Variants in NLRP2 observed in about 807,000 individuals in gnomAD.
NLRP2 encodes NLR family pyrin domain containing 2, also known as NACHT, LRR and PYD domains-containing protein 2.
A neutral mutation model predicts 97.2 loss-of-function variants in NLRP2; 107 were observed. That is an observed-to-expected ratio of 1.10 (90% CI 0.94 to 1.29). The LOEUF (loss-of-function observed/expected upper bound fraction) is 1.29. Among genes scored for constraint, NLRP2 ranks in the 50% most tolerant of loss-of-function variants. The probability of loss-of-function intolerance (pLI) is 0.00; values close to 1 mark genes in which losing one functional copy is unlikely to be tolerated. For missense variants in NLRP2, 1,495 were observed against 1,330.3 expected, an observed-to-expected ratio of 1.12 and a Z score of -1.93; for synonymous variants, 663 against 551.5, an observed-to-expected ratio of 1.20 and a Z score of -2.83.
intron 2 of NLRP2, among the ~76,000 whole-genome samples, chr19:54,971,828 T>C (rs1015117978): frequency 9.3e-5 from 14 of 151,242 alleles, no homozygotes; most frequent in Admixed American, 4.6e-4. Flanking sequence ...ACATGAACTA[T>C]GGTTATTTAA....
Position 54,973,488 on chromosome 19 carries a change from G to A in NLRP2, c.281-1012G>A, listed in dbSNP as rs150137434. Among the ~76,000 whole-genome samples the A allele has an allele frequency of 8.8e-3, 1,340 of 151,580 alleles. 17 individuals are homozygous for A. Among genetic ancestry groups the A allele is most frequent in the African/African-American group, 0.031 (1,281 of 41,344 alleles). On this transcript the variant is annotated intron_variant, in intron 2 of 12. Transcript: ENST00000448584. ...CCTCCCAGGTTTAAGTGATTCTCCTGCCTCAGCCTCCAGAGTAGCTGGGAT... is the reference window on the plus strand; with the variant it reads ...CCTCCCAGGTTTAAGTGATTCTCCTACCTCAGCCTCCAGAGTAGCTGGGAT...
intron 6 of NLRP2, 130 bp from the exon 7 acceptor site, chr19:54,984,917 C>T (rs1045278794): frequency 3.5e-6 from 3 of 849,246 alleles, no homozygotes; most frequent in African/African-American, 3.3e-5. Context: ...GATGGTGGTG[C>T]TAATAAGTGA....
At chr19:54,973,351 T>TTTG (rs1568470331) in intron 2 of NLRP2, among the ~76,000 whole-genome samples, 2 of 144,124 alleles carry the variant, frequency 1.4e-5, no homozygotes, top group African/African-American at 2.6e-5. Flanking sequence ...AGGGTTTTTT[T>TTTG]TTTTTTTTTT....
At chr19:54,990,306 C>A (rs750164971) in intron 9 of NLRP2, 114 bp downstream of exon 9, 3 of 1,225,440 alleles carry the variant, frequency 2.4e-6, no homozygotes, top group Non-Finnish European at 3.6e-6. Flanking sequence ...AACACCTGTT[C>A]CCATGTTTAG....
chr19:54,976,553 G>T (rs1403229753), intron 3 of NLRP2, among the ~76,000 whole-genome samples: 3 of 151,992 alleles, frequency 2.0e-5, no homozygotes, highest in Non-Finnish European at 4.4e-5. Context: ...CACCATGTTG[G>T]CCAGGCTGGT....
Position 54,990,720 on chromosome 19 carries a change from C to T in NLRP2, c.2708+48C>T, listed in dbSNP as rs886115663. 2.5e-6 allele frequency: 4 copies of T among 1,586,972 alleles called. No individual in the cohort carries two copies. In the African/African-American group the frequency reaches 4.0e-5, roughly 16 times the overall value. On this transcript the variant is annotated intron_variant, in intron 10 of 12. Transcript: ENST00000448584. ...TGTGCGTGGGTGTATATGCACACGC[C>T]CCCCACCTCCGGGTTTGAGTAGGGT...
rs771729521 is a variant in NLRP2, at chr19:54,990,100, C to T, written c.2445C>T (p.Cys815=). The change falls in exon 9 of 13, where the codon TGC becomes TGT. Residue 815 remains cysteine, a synonymous_variant. Transcript: ENST00000448584. ...TTGAAGTCAACCAGTCCCTGACGTG[C>T]GTAAACCTCTCCGACAATGAGCTTC... ...LALEVNQSLT[C]VNLSDNELLD... 17 of 1,614,008 alleles carry T rather than the reference C, an allele frequency of 1.1e-5. No homozygotes were observed. The highest frequency in any genetic ancestry group is 2.7e-5 in the African/African-American group (2 of 74,900).
Position 54,982,443 on chromosome 19 carries a change from G to C in NLRP2, c.745G>C (p.Glu249Gln), listed in dbSNP as rs1411464041. ...ATATGCGTTCTACCTCAGCTGCAGG[G>C]AGCTCAGCCGCCTGGGCCCGTGCAG... Reference protein sequence around the residue: ...FKYAFYLSCRELSRLGPCSFA... With the variant: ...FKYAFYLSCRQLSRLGPCSFA... The change falls in exon 6 of 13, where the codon GAG becomes CAG. Residue 249 changes from glutamate (E) to glutamine (Q), a missense_variant. Coordinates refer to ENST00000448584, the MANE Select transcript of NLRP2 (RefSeq NM_017852.5). 6.2e-7 allele frequency: 1 copy of C among 1,614,164 alleles called. No homozygotes were observed. The highest frequency in any genetic ancestry group is 1.1e-5 in the South Asian group (1 of 91,076).
intron 12 of NLRP2, 57 bp from the exon 13 acceptor site, chr19:55,000,703 T>A: frequency 6.3e-7 from 1 of 1,593,458 alleles, no homozygotes; most frequent in East Asian, 2.2e-5. Flanking sequence ...ACTTGGGAAT[T>A]TGAAACAAAT....
At chr19:54,982,031 A>G in intron 5 of NLRP2, 131 bp from the exon 6 acceptor site, 1 of 1,134,360 alleles carries the variant, frequency 8.8e-7, no homozygotes, top group African/African-American at 1.5e-5. Flanking sequence ...GCCTGCCTCG[A>G]CCTCCCAAAG....
At chr19:54,997,286 C>T (rs1355890093) in intron 11 of NLRP2, 31 bp from the exon 12 acceptor site, 3 of 1,609,906 alleles carry the variant, frequency 1.9e-6, no homozygotes, top group Non-Finnish European at 2.5e-6. Context: ...GCACTGGCTG[C>T]ATTAACGTGT....
chr19:54,967,941 C>G (rs2070578580), intron 1 of NLRP2, among the ~76,000 whole-genome samples: 1 of 100,174 alleles, frequency 1.0e-5, no homozygotes, highest in Non-Finnish European at 2.4e-5. Context: ...TTTTTTGAGA[C>G]AAAGTCTAGC....
intron 10 of NLRP2, chr19:54,993,412 A>T (rs71367133): frequency 0.14 from 21,615 of 151,976 alleles, 2,160 homozygotes; most frequent in Non-Finnish European, 0.21. Context: ...ATTATAATTA[A>T]GTTTAGAACT....
At chr19:54,970,387 AC>A in intron 2 of NLRP2, 92 bp downstream of exon 2, 1 of 1,465,606 alleles carries the variant, frequency 6.8e-7, no homozygotes, top group Non-Finnish European at 9.5e-7. Context: ...GCGCTGGCTC[AC>A]GCCTGTCGTC....
rs1487517047 is a variant in NLRP2, at chr19:54,974,138, A to G, written c.281-362A>G. On this transcript the variant is annotated intron_variant, in intron 2 of 12. Coordinates refer to ENST00000448584, the MANE Select transcript of NLRP2 (RefSeq NM_017852.5). ...TGGGAGGCCGAGGTGGGCGGATCAC[A>G]AGGTCAGGAGTCTGAGACCAGCCTG... The G allele has an allele frequency of 1.2e-5, 8 of 653,732 alleles. No individual in the cohort carries two copies. In the East Asian group the frequency reaches 2.3e-4, roughly 19 times the overall value. 40.5% of individuals were successfully genotyped at this position (653,732 alleles called of 1,614,324 possible). A position where few individuals can be genotyped will look rare whatever the true frequency, so the allele number is the denominator to read the frequency against.
At chr19:54,995,119 G>T (rs1353610429) in intron 11 of NLRP2, among the ~76,000 whole-genome samples, 1 of 134,618 alleles carries the variant, frequency 7.4e-6, no homozygotes, top group Non-Finnish European at 1.6e-5. Context: ...CTCAAGACCA[G>T]CCTGGCCAAC....
At chr19:54,974,423 ATCTTT>A (rs1208882604) in intron 2 of NLRP2, 72 bp from the exon 3 acceptor site, 7 of 1,030,602 alleles carry the variant, frequency 6.8e-6, no homozygotes, top group Admixed American at 1.7e-5. Context: ...TCTAAGTGTC[ATCTTT>A]TCTTTTATGA....
intron 4 of NLRP2, 71 bp downstream of exon 4, chr19:54,977,894 C>CTT (rs758761833): frequency 5.2e-5 from 70 of 1,336,680 alleles, no homozygotes; most frequent in Middle Eastern, 1.8e-4. Context: ...TCTCCTGTTC[C>CTT]TTTGAAGAAC....
Position 54,982,918 on chromosome 19 carries a change from C to T in NLRP2, c.1220C>T (p.Thr407Ile), listed in dbSNP as rs547400670. 2.2e-5 allele frequency: 35 copies of T among 1,613,128 alleles called. No homozygotes were observed. In the East Asian group the frequency reaches 3.6e-4, roughly 16 times the overall value. Residue 407 changes from threonine to isoleucine, a missense_variant, in exon 6 of 13, where the codon ACT (threonine) becomes ATT (isoleucine). Physicochemically the swap from Thr to Ile is moderately conservative, Grantham distance 89 (BLOSUM62 -1). Coordinates refer to ENST00000448584, the MANE Select transcript of NLRP2 (RefSeq NM_017852.5). Reference protein sequence around the residue: ...APAVCWIVCTTLKLQMEKGED... With the variant: ...APAVCWIVCTILKLQMEKGED... Reference sequence around the variant, plus strand: ...GCGGTGTGCTGGATCGTGTGCACGACTCTGAAGCTGCAGATGGAGAAGGGG... The same window carrying T: ...GCGGTGTGCTGGATCGTGTGCACGATTCTGAAGCTGCAGATGGAGAAGGGG...
Sources: allele counts gnomAD v4.1 joint callset (sites outside exome capture counted in the v4.1 genomes callset), GRCh38; gene constraint gnomAD v4.1.1; transcripts MANE v1.5; gene names NCBI Gene and HGNC (gene_info 2026-07-23, HGNC 2026-07-21).